SGK1: variants seen among roughly 807,000 people sequenced by gnomAD.
SGK1 encodes the protein serine/threonine-protein kinase Sgk1.
A neutral mutation model predicts 64.2 loss-of-function variants in SGK1; 26 were observed. The ratio of observed to expected loss-of-function variants is 0.40; its 90% confidence interval spans 0.30 to 0.56. The LOEUF is 0.56. Among genes scored for constraint, SGK1 ranks in the 20% least tolerant of loss-of-function variants. SGK1 has a pLI of 0.38. For missense variants in SGK1, 519 were observed against 645.6 expected (o/e 0.80, Z 2.12); for synonymous variants, 265 against 239.7 (o/e 1.11, Z -0.98).
intron 2 of SGK1, among the ~76,000 whole-genome samples, chr6:134,254,066 G>A (rs1776644349): frequency 6.7e-6 from 1 of 149,106 alleles, no homozygotes. Flanking sequence ...GCCAGCATGG[G>A]CTACAGAGTT....
In SGK1 at chr6:134,264,648, T is replaced by A. The variant is rs1446031253; in HGVS notation, c.70-2500A>T. On this transcript the variant is annotated intron_variant, in intron 1 of 13. Transcript: ENST00000367858. ...CTACAATTATTATTATTATTATTTTTGTTGTTGTTGTTGTTAAAGGGTCTT... is the reference window on the plus strand; with the variant it reads ...CTACAATTATTATTATTATTATTTTAGTTGTTGTTGTTGTTAAAGGGTCTT... Among the ~76,000 whole-genome samples, 549 of 105,262 alleles carry A rather than the reference T, an allele frequency of 5.2e-3. 3 individuals are homozygous for A. Among genetic ancestry groups the A allele is most frequent in the African/African-American group, 0.024 (510 of 21,218 alleles). 69.1% of individuals were successfully genotyped at this position (105,262 alleles called of 152,430 possible).
At chr6:134,199,503 G>A (rs1183386524) in intron 3 of SGK1, among the ~76,000 whole-genome samples, 3 of 144,642 alleles carry the variant, frequency 2.1e-5, no homozygotes, top group African/African-American at 5.1e-5. Context: ...AGGTTGCAGT[G>A]AGCTGAGATT....
In SGK1 at chr6:134,297,320, C is replaced by T. The variant is rs1445319572; in HGVS notation, c.69+20072G>A. 2.3e-5 allele frequency: 28 copies of T among 1,216,278 alleles called. No individual in the cohort carries two copies. In the East Asian group the frequency reaches 2.6e-4, roughly 11 times the overall value. The allele number at this position is 1,216,278 out of a possible 1,614,324, so 75.3% of individuals were successfully genotyped here. A position where few individuals can be genotyped will look rare whatever the true frequency, so the allele number is the denominator to read the frequency against. On this transcript the variant is annotated intron_variant, in intron 1 of 13. Coordinates refer to ENST00000367858, the MANE Select transcript of SGK1 (RefSeq NM_001143676.3). ...GCTCCTGGTACACACGCAGCTATCG[C>T]GCCATGTCCTGCTAGGCCCGCTGCA...
rs771204086 is a variant in SGK1, at chr6:134,232,411, A to AAGAAAAGAAAGAAAGAGAGAGAGAGAGAG, written c.286-24981_286-24980insCTCTCTCTCTCTCTCTTTCTTTCTTTTCT. 2.4e-3 allele frequency among the ~76,000 whole-genome samples: 72 copies of AAGAAAAGAAAGAAAGAGAGAGAGAGAGAG among 30,276 alleles called. 7 individuals are homozygous for AAGAAAAGAAAGAAAGAGAGAGAGAGAGAG. The highest frequency in any genetic ancestry group is 3.3e-3 in the Non-Finnish European group (48 of 14,580). The allele number at this position is 30,276 out of a possible 152,430, so 19.9% of individuals were successfully genotyped here. ...AAAAAAGAAAGAAGAAAAAGAAAGA[A>AAGAAAAGAAAGAAAGAGAGAGAGAGAGAG]AGAGAAAGAAAGAAAGAAAGAAAGA... On this transcript the variant is annotated intron_variant, in intron 2 of 13. Transcript: ENST00000367858.
At chr6:134,290,568 A>G (rs1019080555) in intron 1 of SGK1, among the ~76,000 whole-genome samples, 14 of 152,100 alleles carry the variant, frequency 9.2e-5, no homozygotes, top group African/African-American at 3.4e-4. Flanking sequence ...AGAGACAGAA[A>G]AAATGAAGAG....
chr6:134,276,224 A>G (rs1342787486), intron 1 of SGK1, among the ~76,000 whole-genome samples: 2 of 152,198 alleles, frequency 1.3e-5, no homozygotes. Flanking sequence ...GTATTTTTCA[A>G]GGCACAGGGA....
chr6:134,229,506 T>C (rs945966336), intron 2 of SGK1, among the ~76,000 whole-genome samples: 2 of 152,238 alleles, frequency 1.3e-5, no homozygotes, highest in Non-Finnish European at 2.9e-5. Context: ...ATTGGTCACA[T>C]GTGCTTAATG....
chr6:134,196,198 C>T (rs1775591611), intron 3 of SGK1, among the ~76,000 whole-genome samples: 1 of 152,152 alleles, frequency 6.6e-6, no homozygotes, highest in Non-Finnish European at 1.5e-5. Context: ...GTAATCCCAG[C>T]TACTCTGGAG....
chr6:134,175,998 CTTT>C, intron 3 of SGK1: 2 of 970,482 alleles, frequency 2.1e-6, no homozygotes, highest in Non-Finnish European at 2.5e-6. Context: ...CTGCATTTCA[CTTT>C]TTTTTTTCTG....
intron 2 of SGK1, among the ~76,000 whole-genome samples, chr6:134,258,736 T>C (rs1317845754): frequency 6.6e-6 from 1 of 151,996 alleles, no homozygotes; most frequent in African/African-American, 2.4e-5. Context: ...TAAAAAGGCT[T>C]AGGCCTGTAA....
At chr6:134,241,824 G>A (rs62425190) in intron 2 of SGK1, among the ~76,000 whole-genome samples, 11,845 of 151,194 alleles carry the variant, frequency 0.078, 790 homozygotes, top group East Asian at 0.26. Context: ...GTTTCACCGC[G>A]TTAGCCAGGA....
chr6:134,306,412 G>C (rs1055755405), intron 1 of SGK1, among the ~76,000 whole-genome samples: 3 of 151,930 alleles, frequency 2.0e-5, no homozygotes, highest in African/African-American at 7.3e-5. Context: ...AACAGAGTGA[G>C]ACTCCGTTTC....
rs190193872 is a variant in SGK1 at position 134,262,080 on chromosome 6, G to C, written c.138C>G (p.Thr46=). ...DKHQSPSLKY[T]GSSMVHIPPG... ...GAGGGATGTGCACCATGGAGGAGCC[G>C]GTGTACTTCAGGCTGGGACTCTGAT... is the stretch of plus-strand genomic sequence containing the variant. Residue 46 remains threonine, a synonymous_variant, in exon 2 of 14, where the codon ACC becomes ACG. Transcript: ENST00000367858. The C allele has an allele frequency of 1.2e-6, 2 of 1,613,254 alleles. No individual in the cohort carries two copies.
intron 3 of SGK1, among the ~76,000 whole-genome samples, chr6:134,184,104 C>T (rs1370440463): frequency 1.3e-5 from 2 of 152,070 alleles, no homozygotes; most frequent in Admixed American, 6.6e-5. Flanking sequence ...AAGCTAGTGT[C>T]TGCCCGAGGG....
chr6:134,206,055 A>C (rs1775763285), intron 3 of SGK1, among the ~76,000 whole-genome samples: 1 of 152,036 alleles, frequency 6.6e-6, no homozygotes, highest in Non-Finnish European at 1.5e-5. Context: ...TAATCATATA[A>C]CCTGAAGCAT....
In SGK1 at chr6:134,251,632, T is replaced by C. The variant is rs550225245; in HGVS notation, c.285+10301A>G. 5.3e-5 allele frequency among the ~76,000 whole-genome samples: 8 copies of C among 152,298 alleles called. No individual in the cohort carries two copies. The East Asian group carries it at 1.2e-3, about 22-fold the overall frequency. On this transcript the variant is annotated intron_variant, in intron 2 of 13. Transcript: ENST00000367858. ...GGGAACGCGGCACACTGGTGGGCTA[T>C]GATTCCCTGGAGAGCTTATGAAATA...
At chr6:134,245,143 A>C (rs1582739031) in intron 2 of SGK1, among the ~76,000 whole-genome samples, 1 of 146,456 alleles carries the variant, frequency 6.8e-6, no homozygotes, top group Admixed American at 6.7e-5. Context: ...AGGTCTTGCT[A>C]TGTTGCCCAT....
intron 1 of SGK1, among the ~76,000 whole-genome samples, chr6:134,281,009 A>T (rs1777085871): frequency 6.6e-6 from 1 of 152,192 alleles, no homozygotes; most frequent in African/African-American, 2.4e-5. Context: ...CAGAGGTTGC[A>T]GTGAGCCAAG....
In SGK1 at chr6:134,269,114, G is replaced by T. The variant is rs948568403; in HGVS notation, c.70-6966C>A. On this transcript the variant is annotated intron_variant, in intron 1 of 13. Transcript: ENST00000367858. ...AATTTAAAATAGTTTAGCTGATAAT[G>T]ATATCAACCGATACAGGAAAATTAT... Among the ~76,000 whole-genome samples the T allele has an allele frequency of 6.8e-5, 10 of 147,192 alleles. 1 individual carries two copies. Among genetic ancestry groups the T allele is most frequent in the African/African-American group, 9.8e-5 (4 of 40,984 alleles).
Sources: allele counts gnomAD v4.1 joint callset (sites outside exome capture counted in the v4.1 genomes callset), GRCh38; gene constraint gnomAD v4.1.1; transcripts MANE v1.5; gene names NCBI Gene and HGNC (gene_info 2026-07-23, HGNC 2026-07-21).